The following FANCD2 variants were observed in gnomAD, a reference collection of about 807,000 sequenced individuals.
FANCD2 encodes the protein FA complementation group D2, also known as Fanconi anemia group D2 protein.
FANCD2 carries 131 observed loss-of-function variants against 192.3 expected under a neutral mutation model. The ratio of observed to expected loss-of-function variants is 0.68; its 90% confidence interval spans 0.59 to 0.79. The LOEUF (loss-of-function observed/expected upper bound fraction) is 0.79, where lower values mean the gene tolerates loss of function less well. Ranked by LOEUF, FANCD2 falls within the 30% of genes least tolerant of loss-of-function variation. The pLI is 0.00. For missense variants in FANCD2, 1,508 were observed against 1,701.6 expected (o/e 0.89, Z 2.00); for synonymous variants, 524 against 612.5 (o/e 0.86, Z 2.13).
At chr3:10,032,777 G>A in intron 2 of FANCD2, 55 bp from the exon 3 acceptor site, 1 of 1,479,382 alleles carries the variant, frequency 6.8e-7, no homozygotes, top group Non-Finnish European at 9.4e-7. Context: ...CTGGGTTTAA[G>A]TTTTAATTTT....
chr3:10,093,350 A>G (rs56402413), intron 39 of FANCD2, 27 bp downstream of exon 39: 1 of 1,582,230 alleles, frequency 6.3e-7, no homozygotes, highest in Non-Finnish European at 8.7e-7. Flanking sequence ...GCCCTGTTTC[A>G]TATTTATTCT....
At chr3:10,055,636 C>T (rs1320491000) in intron 18 of FANCD2, among the ~76,000 whole-genome samples, 1 of 151,872 alleles carries the variant, frequency 6.6e-6, no homozygotes, top group Non-Finnish European at 1.5e-5. Context: ...CACGGTGAAA[C>T]CCCGTCTTTA....
In FANCD2 at chr3:10,088,488, G is replaced by A; in HGVS notation, c.3506G>A (p.Ser1169Asn). The A allele has an allele frequency of 6.2e-7, 1 of 1,613,058 alleles. No homozygotes were observed. The highest frequency in any genetic ancestry group is 8.5e-7 in the Non-Finnish European group (1 of 1,178,988). ...CAATTCCTCTGTCGGGTGTGGCCAA[G>A]TGGGGATAAAGAGAAGAGCAACATC... ...ARQFLCRVWP[S>N]GDKEKSNISN... Residue 1169 changes from serine (S) to asparagine (N), a missense_variant, in exon 35 of 44, where the codon AGT (serine) becomes AAT (asparagine). Coordinates refer to ENST00000675286, the MANE Select transcript of FANCD2 (RefSeq NM_001018115.3).
intron 21 of FANCD2, among the ~76,000 whole-genome samples, 192 bp downstream of exon 21, chr3:10,064,103 G>T (rs2347586): frequency 6.6e-6 from 1 of 152,096 alleles, no homozygotes; most frequent in Non-Finnish European, 1.5e-5. Context: ...TAACAATCAC[G>T]ATAGTAAAGA....
intron 38 of FANCD2, 120 bp from the exon 39 acceptor site, chr3:10,093,165 C>A: frequency 1.3e-6 from 1 of 746,000 alleles, no homozygotes; most frequent in Non-Finnish European, 2.4e-6. Context: ...TAAATGTTGA[C>A]ATTCCTCCAT....
chr3:10,063,297 C>G (rs1390887230), intron 20 of FANCD2, among the ~76,000 whole-genome samples: 1 of 151,968 alleles, frequency 6.6e-6, no homozygotes, highest in Admixed American at 6.6e-5. Context: ...ATTAGCTGGA[C>G]ATGGTGGCAG....
rs113192640 is a variant in FANCD2 at position 10,042,648 on chromosome 3, C to T, written c.873C>T (p.Ala291=). 6.2e-7 allele frequency: 1 copy of T among 1,613,314 alleles called. No individual in the cohort carries two copies. Among genetic ancestry groups the T allele is most frequent in the Non-Finnish European group, 8.5e-7 (1 of 1,179,342 alleles). ...AGTTCATTCTTCATTCCGTAACAGC[C>T]ATGGATACACTTGAGGTATGCTCTT... ...IIKFILHSVT[A]MDTLEVISEL... Residue 291 remains alanine, a synonymous_variant, in exon 11 of 44, where the codon GCC becomes GCT. Transcript: ENST00000675286.
chr3:10,042,796 A>C, intron 11 of FANCD2, 133 bp downstream of exon 11: 1 of 825,414 alleles, frequency 1.2e-6, no homozygotes, highest in South Asian at 1.4e-5. Context: ...TATTCAACAG[A>C]TTCATTGATC....
In FANCD2 at chr3:10,081,112, C is replaced by A; in HGVS notation, c.2989C>A (p.Arg997=). The change falls in exon 31 of 44, where the codon CGG becomes AGG. Residue 997 remains arginine, a synonymous_variant. Transcript: ENST00000675286. ...GCATTTATTATAGAACAAAGGAAGC[C>A]GGAATATTGGATTCTCACATCTCCA... is the stretch of plus-strand genomic sequence containing the variant. ...RVPFLKNKGS[R]NIGFSHLQQR... 1 of 1,614,032 alleles carries A rather than the reference C, an allele frequency of 6.2e-7. No individual in the cohort carries two copies. Among genetic ancestry groups the A allele is most frequent in the African/African-American group, 1.3e-5 (1 of 75,006 alleles).
intron 14 of FANCD2, among the ~76,000 whole-genome samples, chr3:10,045,092 T>G (rs1191883762): frequency 6.6e-6 from 1 of 151,292 alleles, no homozygotes; most frequent in East Asian, 1.9e-4. Flanking sequence ...TTAACTGTTT[T>G]TTTTTTTTTC....
At chr3:10,036,399 A>G in intron 7 of FANCD2, 60 bp downstream of exon 7, 2 of 1,265,168 alleles carry the variant, frequency 1.6e-6, no homozygotes, top group Non-Finnish European at 2.3e-6. Flanking sequence ...TCTCTCTGAA[A>G]AGGTTACTCT....
intron 23 of FANCD2, 54 bp from the exon 24 acceptor site, chr3:10,065,340 C>T (rs371415551): frequency 4.5e-6 from 5 of 1,117,100 alleles, no homozygotes; most frequent in Admixed American, 1.7e-5. Context: ...TCCCTATGTA[C>T]GTGGAGTAAT....
intron 14 of FANCD2, among the ~76,000 whole-genome samples, chr3:10,045,101 T>TTTTTTTTTTTTTTTTTC (rs397948524): frequency 4.0e-5 from 6 of 149,156 alleles, no homozygotes; most frequent in African/African-American, 1.5e-4. Flanking sequence ...TTTTTTTTTT[T>TTTTTTTTTTTTTTTTTC]CCTGGAAGCA....
intron 43 of FANCD2, chr3:10,099,027 G>A (rs563307388): frequency 1.2e-5 from 19 of 1,610,506 alleles, no homozygotes; most frequent in Middle Eastern, 1.7e-4. Context: ...TGAGTATCTC[G>A]AGTTGTGGCA....
intron 43 of FANCD2, chr3:10,099,450 C>T (rs1168308866): frequency 1.0e-5 from 5 of 494,296 alleles, no homozygotes; most frequent in African/African-American, 2.1e-5. Flanking sequence ...TAACAAGACC[C>T]TATCTCCACA....
intron 14 of FANCD2, among the ~76,000 whole-genome samples, chr3:10,045,247 C>G (rs1575753189): frequency 1.3e-5 from 2 of 152,232 alleles, no homozygotes; most frequent in African/African-American, 4.8e-5. Context: ...CGGCTCACTG[C>G]AAGCTCCGCC....
chr3:10,077,079 A>C (rs954019436), intron 29 of FANCD2, among the ~76,000 whole-genome samples: 1 of 152,038 alleles, frequency 6.6e-6, no homozygotes, highest in Non-Finnish European at 1.5e-5. Context: ...AGTTAAAAAA[A>C]AAAAGTAGCC....
At chr3:10,080,590 G>A (rs1217513757) in intron 30 of FANCD2, among the ~76,000 whole-genome samples, 1 of 152,158 alleles carries the variant, frequency 6.6e-6, no homozygotes, top group Non-Finnish European at 1.5e-5. Context: ...GGTTAATGTG[G>A]TTAAACCCCA....
Position 10,047,872 on chromosome 3 carries a change from T to G in FANCD2, c.1279-45T>G, listed in dbSNP as rs200664345. ...AGCAACTCTTAGGTTGTGTACTAAC[T>G]GTTTCCTACAGCTTCTTTTCTCTCT... On this transcript the variant is annotated intron_variant, in intron 15 of 43. Coordinates refer to ENST00000675286, the MANE Select transcript of FANCD2 (RefSeq NM_001018115.3). 33 of 1,610,546 alleles carry G rather than the reference T, an allele frequency of 2.0e-5. No individual in the cohort carries two copies. The African/African-American group carries it at 3.6e-4, about 18-fold the overall frequency.
Sources: gnomAD v4.1 joint callset for allele counts (sites outside exome capture counted in the v4.1 genomes callset) on GRCh38, gnomAD v4.1.1 for gene constraint, MANE v1.5 for transcripts, NCBI Gene and HGNC (gene_info 2026-07-23, HGNC 2026-07-21) for gene names.